The following ADAMTS9 variants were observed in gnomAD, a reference collection of about 807,000 sequenced individuals.
ADAMTS9 encodes the protein A disintegrin and metalloproteinase with thrombospondin motifs 9.
A neutral mutation model predicts 257.1 loss-of-function variants in ADAMTS9; 107 were observed. That is an observed-to-expected ratio of 0.42 (90% CI 0.36 to 0.49). The LOEUF (loss-of-function observed/expected upper bound fraction) is 0.49, where lower values mean the gene tolerates loss of function less well. Among genes scored for constraint, ADAMTS9 ranks in the 20% least tolerant of loss-of-function variants. The pLI is 0.03. For synonymous variants in ADAMTS9, 982 were observed against 880.9 expected, an observed-to-expected ratio of 1.11 and a Z score of -2.03; for missense variants, 2,353 against 2,469.1, an observed-to-expected ratio of 0.95 and a Z score of 1.00.
intron 6 of ADAMTS9, 31 bp downstream of exon 6, chr3:64,655,545 G>C (rs190553803): frequency 7.3e-5 from 114 of 1,553,144 alleles, no homozygotes; most frequent in Non-Finnish European, 8.8e-5. Context: ...ACCTGAGACT[G>C]AAAGATCTGA....
chr3:64,540,698 C>T (rs569560825), intron 36 of ADAMTS9, among the ~76,000 whole-genome samples: 3 of 152,162 alleles, frequency 2.0e-5, no homozygotes, highest in Admixed American at 2.0e-4. Context: ...CTGGCTAACC[C>T]TAACTTGACC....
chr3:64,658,741 A>G lies in ADAMTS9; in HGVS notation c.730T>C (p.Trp244Arg), dbSNP rs1423412179. The G allele has an allele frequency of 1.2e-6, 2 of 1,613,148 alleles. No individual in the cohort carries two copies. The highest frequency in any genetic ancestry group is 1.7e-4 in the Middle Eastern group (1 of 6,060). Residue 244 changes from tryptophan (W) to arginine (R), a missense_variant, in exon 4 of 40, where the codon TGG becomes CGG. By Grantham distance (101) the Trp-to-Arg change is moderately radical (BLOSUM62 -3). Around this residue, in one of 3 missense-constraint regions of ADAMTS9, gnomAD observed 591 missense variants for 569.6 expected, o/e 1.04. Coordinates refer to ENST00000498707, the MANE Select transcript of ADAMTS9 (RefSeq NM_182920.2). ...KDKKKTRARK[W>R]GERINLAGDV... ...CCAGCCAGGTTAATCCTTTCTCCCC[A>G]TTTTCTTGCTCTGGTTTTCTTCTTG...
chr3:64,603,426 A>T (rs1340938770), intron 25 of ADAMTS9, among the ~76,000 whole-genome samples: 1 of 151,698 alleles, frequency 6.6e-6, no homozygotes, highest in Non-Finnish European at 1.5e-5. Flanking sequence ...TTGTAAAAAA[A>T]CCCATAGATA....
chr3:64,540,566 C>G (rs1369855352), intron 36 of ADAMTS9, among the ~76,000 whole-genome samples: 2 of 152,160 alleles, frequency 1.3e-5, no homozygotes, highest in Non-Finnish European at 2.9e-5. Flanking sequence ...CTGGCGAAAG[C>G]TGGGCTGGGG....
chr3:64,619,781 G>A (rs2106856919), intron 19 of ADAMTS9, among the ~76,000 whole-genome samples: 1 of 152,198 alleles, frequency 6.6e-6, no homozygotes, highest in Admixed American at 6.5e-5. Flanking sequence ...CCCAGAAAAT[G>A]TCACCATTCT....
At chr3:64,517,416 G>GTTTTTTTTTGTTTTTTT (rs2082789660) in intron 39 of ADAMTS9, among the ~76,000 whole-genome samples, 1 of 52,638 alleles carries the variant, frequency 1.9e-5, no homozygotes, top group Non-Finnish European at 3.8e-5. Flanking sequence ...ATTAAAAATG[G>GTTTTTTTTTGTTTTTTT]TTTTTTTTTT....
At chr3:64,517,357 A>G (rs1295219711) in intron 39 of ADAMTS9, among the ~76,000 whole-genome samples, 1 of 142,444 alleles carries the variant, frequency 7.0e-6, no homozygotes, top group African/African-American at 2.5e-5. Flanking sequence ...CTCCCATCTC[A>G]GCCTCCCAAG....
In ADAMTS9 at chr3:64,542,008, A is replaced by T. The variant is rs765207966; in HGVS notation, c.5065-38T>A. 3.0e-5 allele frequency: 49 copies of T among 1,612,878 alleles called. 1 individual carries two copies. In the South Asian group the frequency reaches 5.2e-4, roughly 17 times the overall value. On this transcript the variant is annotated intron_variant, in intron 32 of 39. Transcript: ENST00000498707. ...TGAGAGTCAGCGGTGTGGCTATGGA[A>T]TGTGGGAGGCATAGGCTTCTGGTGG...
In ADAMTS9 at chr3:64,658,738, C is replaced by T. The variant is rs140141910; in HGVS notation, c.733G>A (p.Gly245Arg). The T allele has an allele frequency of 1.2e-4, 199 of 1,614,160 alleles. No individual in the cohort carries two copies. The African/African-American group carries it at 2.5e-3, about 20-fold the overall frequency. Residue 245 changes from glycine (G) to arginine (R), a missense_variant, in exon 4 of 40, where the codon GGA (glycine) becomes AGA (arginine). Coordinates refer to ENST00000498707, the MANE Select transcript of ADAMTS9 (RefSeq NM_182920.2). ...TCACCAGCCAGGTTAATCCTTTCTC[C>T]CCATTTTCTTGCTCTGGTTTTCTTC... ...DKKKTRARKW[G>R]ERINLAGDVA...
At chr3:64,603,802 C>A (rs2084507612) in intron 25 of ADAMTS9, 120 bp downstream of exon 25, 19 of 1,170,456 alleles carry the variant, frequency 1.6e-5, no homozygotes, top group African/African-American at 3.1e-5. Context: ...AATCATAAGA[C>A]AAATCCAGCT....
At chr3:64,580,611 T>C (rs114041888) in intron 28 of ADAMTS9, among the ~76,000 whole-genome samples, 2,766 of 152,272 alleles carry the variant, frequency 0.018, 79 homozygotes, top group African/African-American at 0.063. Context: ...ATTTCAAAGC[T>C]CTGGCCTGAG....
chr3:64,564,411 A>G (rs1420146374), intron 29 of ADAMTS9, among the ~76,000 whole-genome samples: 1 of 152,228 alleles, frequency 6.6e-6, no homozygotes, highest in Non-Finnish European at 1.5e-5. Context: ...ACTTTCTTCC[A>G]GGATTACTGC....
intron 12 of ADAMTS9, among the ~76,000 whole-genome samples, chr3:64,635,290 G>A (rs900157106): frequency 2.0e-5 from 3 of 152,178 alleles, no homozygotes; most frequent in Non-Finnish European, 4.4e-5. Context: ...GTTACAAGCT[G>A]GGGAGGGTGA....
intron 37 of ADAMTS9, among the ~76,000 whole-genome samples, chr3:64,535,207 C>T (rs2083034581): frequency 6.6e-6 from 1 of 151,996 alleles, no homozygotes; most frequent in African/African-American, 2.4e-5. Context: ...GGTGAAACCC[C>T]ATCTCTTCTA....
chr3:64,674,376 T>A (rs1313577836), intron 3 of ADAMTS9, among the ~76,000 whole-genome samples: 1 of 152,128 alleles, frequency 6.6e-6, no homozygotes, highest in Non-Finnish European at 1.5e-5. Flanking sequence ...ACTTTAAAAA[T>A]TCATAATCAG....
At chr3:64,674,025 G>A (rs1473822824) in intron 3 of ADAMTS9, among the ~76,000 whole-genome samples, 3 of 151,936 alleles carry the variant, frequency 2.0e-5, no homozygotes, top group South Asian at 2.1e-4. Context: ...TACAATTCCT[G>A]TATTAGAAGT....
At chr3:64,571,359 A>C (rs1452597705) in intron 28 of ADAMTS9, among the ~76,000 whole-genome samples, 1 of 152,234 alleles carries the variant, frequency 6.6e-6, no homozygotes, top group African/African-American at 2.4e-5. Context: ...AGTGCTTCCC[A>C]CATGACTTCA....
chr3:64,573,270 G>A (rs1371688348), intron 28 of ADAMTS9, among the ~76,000 whole-genome samples: 1 of 152,110 alleles, frequency 6.6e-6, no homozygotes, highest in Non-Finnish European at 1.5e-5. Context: ...GTATCTAGGT[G>A]ATTCCCATTC....
intron 38 of ADAMTS9, among the ~76,000 whole-genome samples, chr3:64,525,460 G>A (rs560552501): frequency 4.3e-4 from 66 of 152,024 alleles, no homozygotes; most frequent in Non-Finnish European, 7.8e-4. Flanking sequence ...GATTTTTTGG[G>A]GTTACATTCT....
Sources: allele counts gnomAD v4.1 joint callset (sites outside exome capture counted in the v4.1 genomes callset), GRCh38; gene constraint gnomAD v4.1.1; regional missense constraint gnomAD v4.1.1; transcripts MANE v1.5; gene names NCBI Gene and HGNC (gene_info 2026-07-23, HGNC 2026-07-21).